Variants in BCHE observed in about 807,000 individuals in gnomAD.
BCHE encodes the protein butyrylcholinesterase.
Under a neutral mutation model 51.3 loss-of-function variants are expected in BCHE, and 48 were observed. That is an observed-to-expected ratio of 0.94 (90% CI 0.74 to 1.19). The LOEUF (loss-of-function observed/expected upper bound fraction) is 1.19. Among genes scored for constraint, BCHE ranks in the 50% most tolerant of loss-of-function variants. The probability of loss-of-function intolerance (pLI) is 0.00; values close to 1 mark genes in which losing one functional copy is unlikely to be tolerated. For missense variants in BCHE, 847 were observed against 708.2 expected (o/e 1.20, Z -2.23); for synonymous variants, 251 against 238.0 (o/e 1.05, Z -0.50).
intron 3 of BCHE, 98 bp from the exon 4 acceptor site, chr3:165,773,604 C>G (rs1712343967): frequency 2.0e-6 from 2 of 975,966 alleles, no homozygotes; most frequent in Admixed American, 2.1e-5. Context: ...TCTAACTACA[C>G]AGTACAGCAT....
intron 2 of BCHE, among the ~76,000 whole-genome samples, chr3:165,815,485 ACTT>A (rs1297755955): frequency 6.6e-6 from 1 of 152,128 alleles, no homozygotes; most frequent in East Asian, 1.9e-4. Context: ...GGATGATGAT[ACTT>A]CTTTAGAGAA....
chr3:165,823,502 G>A (rs1714605245), intron 2 of BCHE, among the ~76,000 whole-genome samples: 1 of 151,984 alleles, frequency 6.6e-6, no homozygotes, highest in Non-Finnish European at 1.5e-5. Flanking sequence ...GTTAAGAAAA[G>A]GGGAATGCCA....
At chr3:165,806,479 C>T (rs144287355) in intron 2 of BCHE, among the ~76,000 whole-genome samples, 2,702 of 152,184 alleles carry the variant, frequency 0.018, 82 homozygotes, top group African/African-American at 0.062. Context: ...TAAGTGGTAA[C>T]CTCAGTGATG....
intron 2 of BCHE, among the ~76,000 whole-genome samples, chr3:165,821,819 ACAG>A (rs1334585618): frequency 1.3e-5 from 2 of 151,916 alleles, no homozygotes; most frequent in Non-Finnish European, 1.5e-5. Flanking sequence ...TTGTGTATTA[ACAG>A]CATTTGGCTT....
Position 165,830,079 on chromosome 3 carries a change from C to G in BCHE, c.955G>C (p.Gly319Arg). ...AGAAAATCACCATCCACGGTCGGAC[C>G]AAAGTTTACTGACAAAGGAGTCCCA... is the stretch of plus-strand genomic sequence containing the variant. The part of the protein sequence containing the change: ...PYGTPLSVNF[G>R]PTVDGDFLTD... The change falls in exon 2 of 4, where the codon GGT becomes CGT. Residue 319 changes from glycine (G) to arginine (R), a missense_variant. Coordinates refer to ENST00000264381, the MANE Select transcript of BCHE (RefSeq NM_000055.4). 6.2e-7 allele frequency: 1 copy of G among 1,613,514 alleles called. No homozygotes were observed. The highest frequency in any genetic ancestry group is 8.5e-7 in the Non-Finnish European group (1 of 1,179,798).
chr3:165,826,606 G>T (rs1714731637), intron 2 of BCHE, among the ~76,000 whole-genome samples: 1 of 151,972 alleles, frequency 6.6e-6, no homozygotes, highest in Admixed American at 6.6e-5. Flanking sequence ...TATGTTTATT[G>T]TGTATATTTT....
Position 165,786,327 on chromosome 3 carries a change from G to A in BCHE, c.1518-16C>T, listed in dbSNP as rs912814663. On this transcript the variant is annotated splice_polypyrimidine_tract_variant and intron_variant, in intron 2 of 3. Coordinates refer to ENST00000264381, the MANE Select transcript of BCHE (RefSeq NM_000055.4). ...ATTTGGATTCCTAAATAATAAAATA[G>A]AGACATTATAGTAAAATTGAAATCA... 2 of 1,595,192 alleles carry A rather than the reference G, an allele frequency of 1.3e-6. No homozygotes were observed. Among genetic ancestry groups the A allele is most frequent in the Non-Finnish European group, 1.7e-6 (2 of 1,165,720 alleles).
intron 2 of BCHE, among the ~76,000 whole-genome samples, chr3:165,790,581 G>A (rs1187748050): frequency 6.6e-5 from 10 of 152,206 alleles, no homozygotes; most frequent in Admixed American, 6.5e-4. Context: ...CTAGTCTGAA[G>A]TGAGGGTAGC....
At chr3:165,777,674 T>C (rs1712523855) in intron 3 of BCHE, 2 of 363,222 alleles carry the variant, frequency 5.5e-6, no homozygotes, top group Non-Finnish European at 1.1e-5. Context: ...TACACACAGT[T>C]GACCTTGAAC....
rs145634778 is a variant in BCHE at position 165,816,194 on chromosome 3, C to A, written c.1517+13323G>T. Among the ~76,000 whole-genome samples the A allele has an allele frequency of 7.2e-3, 1,098 of 151,710 alleles. 40 individuals are homozygous for A. The highest frequency in any genetic ancestry group is 0.068 in the Admixed American group (1,024 of 15,136). On this transcript the variant is annotated intron_variant, in intron 2 of 3. Transcript: ENST00000264381. Reference sequence around the variant, plus strand: ...CTCTTTGCTACCTGTCTCTTGATTCCTTTTATTTTAGATCCACATAGTCTT... The same window carrying A: ...CTCTTTGCTACCTGTCTCTTGATTCATTTTATTTTAGATCCACATAGTCTT...
intron 2 of BCHE, among the ~76,000 whole-genome samples, chr3:165,800,064 C>T (rs1017727828): frequency 2.0e-5 from 3 of 152,082 alleles, no homozygotes; most frequent in African/African-American, 4.8e-5. Context: ...TCAAAGATTT[C>T]TATTCTTAAA....
chr3:165,820,765 T>A (rs1231059873), intron 2 of BCHE, among the ~76,000 whole-genome samples: 3 of 152,012 alleles, frequency 2.0e-5, no homozygotes, highest in Non-Finnish European at 2.9e-5. Context: ...CTAAGTCTCA[T>A]GATGTCTAAT....
chr3:165,797,714 T>G (rs1028934777), intron 2 of BCHE, among the ~76,000 whole-genome samples: 21 of 152,162 alleles, frequency 1.4e-4, no homozygotes, highest in Non-Finnish European at 1.3e-4. Flanking sequence ...TTTGCTCTTA[T>G]TCACGTCTGT....
chr3:165,782,494 G>GAA (rs34700940), intron 3 of BCHE, among the ~76,000 whole-genome samples: 30 of 151,824 alleles, frequency 2.0e-4, no homozygotes, highest in East Asian at 9.7e-4. Flanking sequence ...GTCACATTTG[G>GAA]AAAAAAAATC....
At chr3:165,811,402 T>A (rs1714086703) in intron 2 of BCHE, among the ~76,000 whole-genome samples, 1 of 147,044 alleles carries the variant, frequency 6.8e-6, no homozygotes, top group Admixed American at 7.0e-5. Context: ...GATAACAAGT[T>A]GTATGTAGAT....
chr3:165,818,769 G>T (rs1714399153), intron 2 of BCHE, among the ~76,000 whole-genome samples: 1 of 151,982 alleles, frequency 6.6e-6, no homozygotes, highest in Admixed American at 6.6e-5. Context: ...TTATCTATAG[G>T]TATACCCAGA....
intron 2 of BCHE, among the ~76,000 whole-genome samples, chr3:165,814,328 AT>A (rs575286479): frequency 1.9e-3 from 286 of 152,138 alleles, no homozygotes; most frequent in African/African-American, 6.7e-3. Context: ...AGATGTTACC[AT>A]TTTTTTAAGA....
At chr3:165,820,354 C>T (rs895887179) in intron 2 of BCHE, among the ~76,000 whole-genome samples, 5 of 151,938 alleles carry the variant, frequency 3.3e-5, no homozygotes, top group African/African-American at 1.2e-4. Context: ...TAATGGGTAT[C>T]CATTTTTTTT....
intron 2 of BCHE, among the ~76,000 whole-genome samples, chr3:165,797,863 C>T (rs1227532883): frequency 6.6e-6 from 1 of 152,122 alleles, no homozygotes; most frequent in Non-Finnish European, 1.5e-5. Context: ...ATTTTAAATG[C>T]ATACTTAAAT....
Sources: allele counts gnomAD v4.1 joint callset (sites outside exome capture counted in the v4.1 genomes callset), GRCh38; gene constraint gnomAD v4.1.1; transcripts MANE v1.5; gene names NCBI Gene and HGNC (gene_info 2026-07-23, HGNC 2026-07-21).